The following RANBP2 variants were observed in gnomAD, a reference collection of about 807,000 sequenced individuals.
The protein encoded by RANBP2 is E3 SUMO-protein ligase RanBP2.
In RANBP2, 57 loss-of-function variants were observed where a neutral mutation model predicts 303.6. That is an observed-to-expected ratio of 0.19 (90% CI 0.15 to 0.23). RANBP2 has a LOEUF of 0.23. Ranked by LOEUF, RANBP2 falls within the 10% of genes least tolerant of loss-of-function variation. The pLI, the probability that RANBP2 is intolerant of heterozygous loss-of-function variation, is 1.00. For missense variants in RANBP2, 3,138 were observed against 3,780.8 expected (o/e 0.83, Z 4.46); for synonymous variants, 1,167 against 1,301.5 (o/e 0.90, Z 2.23).
the RANBP2 span, among the ~76,000 whole-genome samples, chr2:109,477,274 TC>T: frequency 6.6e-6 from 1 of 152,080 alleles, no homozygotes; most frequent in African/African-American, 2.4e-5. Context: ...GGGAAGTCAC[TC>T]CCCGTTCCTG....
At chr2:109,593,130 A>T in the RANBP2 span, 1 of 1,582,628 alleles carries the variant, frequency 6.3e-7, no homozygotes, top group Non-Finnish European at 8.6e-7. Flanking sequence ...CTAAAAAAGG[A>T]ATACAAAGGC....
the RANBP2 span, among the ~76,000 whole-genome samples, chr2:109,719,409 C>CT: frequency 0.099 from 12,426 of 125,154 alleles, 714 homozygotes; most frequent in African/African-American, 0.17. Context: ...TGTGATATAT[C>CT]TTTTTTTTTT....
the RANBP2 span, among the ~76,000 whole-genome samples, chr2:109,247,441 C>G: frequency 7.9e-5 from 12 of 152,222 alleles, no homozygotes; most frequent in African/African-American, 2.7e-4. Flanking sequence ...CGTCACGGCT[C>G]CTGACCGTTC....
At chr2:109,289,199 T>G in the RANBP2 span, among the ~76,000 whole-genome samples, 2 of 152,330 alleles carry the variant, frequency 1.3e-5, no homozygotes, top group Non-Finnish European at 2.9e-5. Flanking sequence ...CCCCTTTCTC[T>G]GCTGTCATAT....
At chr2:108,789,062 G>GGAC, downstream of RANBP2, 13 of 1,283,874 alleles carry the variant, frequency 1.0e-5, no homozygotes, top group Non-Finnish European at 1.4e-5. Flanking sequence ...TCTTTCCTGA[G>GGAC]GACAAGTATG....
At chr2:109,281,807 C>T in the RANBP2 span, among the ~76,000 whole-genome samples, 2 of 152,042 alleles carry the variant, frequency 1.3e-5, no homozygotes, top group African/African-American at 4.8e-5. Flanking sequence ...CACTGACTGT[C>T]GGGGGCACGC....
At chr2:109,221,762 C>T in the RANBP2 span, among the ~76,000 whole-genome samples, 2 of 151,930 alleles carry the variant, frequency 1.3e-5, no homozygotes, top group South Asian at 4.2e-4. Context: ...TTGGTGGGAA[C>T]ATAAATAAGG....
chr2:109,517,769 C>T, the RANBP2 span, among the ~76,000 whole-genome samples: 1 of 152,202 alleles, frequency 6.6e-6, no homozygotes, highest in African/African-American at 2.4e-5. Flanking sequence ...AGGCTGACAC[C>T]CAGTGCTGTC....
At chr2:109,587,679 C>T in the RANBP2 span, among the ~76,000 whole-genome samples, 3 of 151,908 alleles carry the variant, frequency 2.0e-5, no homozygotes, top group East Asian at 1.9e-4. Context: ...TTTGGGAGGC[C>T]GAGGCGGGTG....
chr2:109,371,567 G>A, the RANBP2 span: 2 of 1,611,050 alleles, frequency 1.2e-6, no homozygotes, highest in African/African-American at 1.3e-5. Flanking sequence ...TTGTGTCCAC[G>A]GTGGACCCGG....
At chr2:108,919,143 A>C in the RANBP2 span, among the ~76,000 whole-genome samples, 1 of 152,126 alleles carries the variant, frequency 6.6e-6, no homozygotes, top group Admixed American at 6.5e-5. Flanking sequence ...GGAGGCTGGG[A>C]GGCCCGCTTC....
chr2:109,659,427 G>A, the RANBP2 span, among the ~76,000 whole-genome samples: 17 of 152,248 alleles, frequency 1.1e-4, no homozygotes, highest in Admixed American at 5.9e-4. Flanking sequence ...CAGCACCCCC[G>A]TGGCCCCAGG....
the RANBP2 span, among the ~76,000 whole-genome samples, chr2:108,947,601 C>A: frequency 6.6e-6 from 1 of 152,236 alleles, no homozygotes; most frequent in African/African-American, 2.4e-5. Flanking sequence ...GCAGTCCCAA[C>A]ACCAAGTGGA....
chr2:109,147,190 A>C, the RANBP2 span, among the ~76,000 whole-genome samples: 1 of 152,094 alleles, frequency 6.6e-6, no homozygotes, highest in African/African-American at 2.4e-5. Context: ...CCTGGGAGAA[A>C]AGACCGGGAT....
the RANBP2 span, among the ~76,000 whole-genome samples, chr2:109,436,193 C>T: frequency 2.0e-5 from 3 of 152,170 alleles, no homozygotes; most frequent in African/African-American, 7.2e-5. Context: ...ACATTTAATT[C>T]CCCTGAAACT....
the RANBP2 span, among the ~76,000 whole-genome samples, chr2:108,831,202 C>A: frequency 6.6e-6 from 1 of 151,914 alleles, no homozygotes; most frequent in African/African-American, 2.4e-5. Flanking sequence ...AAAAATCTGA[C>A]AATGTCAGAT....
At chr2:108,799,501 G>C in the RANBP2 span, among the ~76,000 whole-genome samples, 2 of 152,138 alleles carry the variant, frequency 1.3e-5, no homozygotes, top group African/African-American at 4.8e-5. Context: ...CCTATTTTCT[G>C]TCCCAGTACA....
At chr2:108,839,327 A>G in the RANBP2 span, 28 of 1,581,302 alleles carry the variant, frequency 1.8e-5, no homozygotes, top group African/African-American at 1.6e-4. Context: ...GAATTTATCT[A>G]TAAGTAATAC....
chr2:109,763,326 C>A, the RANBP2 span, among the ~76,000 whole-genome samples: 8 of 150,414 alleles, frequency 5.3e-5, no homozygotes, highest in Non-Finnish European at 1.2e-4. Context: ...TTCCATTTTA[C>A]AGATAGGAAA....
Sources: gnomAD v4.1 joint callset for allele counts (sites outside exome capture counted in the v4.1 genomes callset) on GRCh38, gnomAD v4.1.1 for gene constraint, MANE v1.5 for transcripts, NCBI Gene and HGNC (gene_info 2026-07-23, HGNC 2026-07-21) for gene names.